The following CR1L variants were observed in gnomAD, a reference collection of about 807,000 sequenced individuals.
CR1L encodes the protein complement component receptor 1-like protein.
In CR1L, 59 loss-of-function variants were observed where a neutral mutation model predicts 62.3. The observed-to-expected ratio is 0.95, with a 90% confidence interval of 0.77 to 1.18. The LOEUF is 1.18. Ranked by LOEUF, CR1L falls within the 50% of genes most tolerant of loss-of-function variation. CR1L has a pLI of 0.00. For missense variants in CR1L, 700 were observed against 702.8 expected (o/e 1.00, Z 0.04); for synonymous variants, 279 against 248.7 (o/e 1.12, Z -1.15).
At position 207,677,620 on chromosome 1, in the gene CR1L, C is replaced by A. The variant is rs572948014; in HGVS notation, c.277+52C>A. On this transcript the variant is annotated intron_variant, in intron 2 of 11. Coordinates refer to ENST00000508064, the MANE Select transcript of CR1L (RefSeq NM_175710.2). ...TCTGTTAGTCAAACATCTGTAAGATCTGATTCAATTTGTTCAAATTTTGTA... is the reference window on the plus strand; with the variant it reads ...TCTGTTAGTCAAACATCTGTAAGATATGATTCAATTTGTTCAAATTTTGTA... 131 of 1,574,332 alleles carry A rather than the reference C, an allele frequency of 8.3e-5. No homozygotes were observed. The South Asian group carries it at 1.5e-3, about 18-fold the overall frequency.
intron 1 of CR1L, among the ~76,000 whole-genome samples, chr1:207,664,436 A>T (rs1663478661): frequency 6.6e-6 from 1 of 152,228 alleles, no homozygotes; most frequent in East Asian, 1.9e-4. Flanking sequence ...TAATTCCTAT[A>T]AAAGCCTGTT....
At chr1:207,690,621 G>A (rs1419830458) in intron 4 of CR1L, among the ~76,000 whole-genome samples, 4 of 152,104 alleles carry the variant, frequency 2.6e-5, no homozygotes, top group Admixed American at 6.5e-5. Flanking sequence ...AGTTTCCCAG[G>A]GCTGCTGTAA....
At chr1:207,657,421 C>T (rs973274966) in intron 1 of CR1L, 15 of 603,324 alleles carry the variant, frequency 2.5e-5, no homozygotes, top group Non-Finnish European at 3.6e-5. Flanking sequence ...GCTTCCTCCT[C>T]CTGTGTAATT....
At chr1:207,657,138 G>C (rs1440322813) in intron 1 of CR1L, 1 of 799,264 alleles carries the variant, frequency 1.3e-6, no homozygotes, top group Admixed American at 1.8e-5. Context: ...TTGTGCACAT[G>C]ACCTCCAAAA....
At chr1:207,669,664 G>A in intron 1 of CR1L, 2 of 730,632 alleles carry the variant, frequency 2.7e-6, no homozygotes, top group Non-Finnish European at 4.3e-6. Context: ...TGCTCTGCGC[G>A]CCCGGGTCCA....
intron 1 of CR1L, 124 bp downstream of exon 1, chr1:207,645,454 A>G: frequency 8.9e-7 from 1 of 1,118,990 alleles, no homozygotes; most frequent in South Asian, 1.3e-5. Context: ...GAGCGAGGCC[A>G]GGGTTCTCCG....
chr1:207,708,958 A>G, intron 10 of CR1L: 1 of 357,416 alleles, frequency 2.8e-6, no homozygotes, highest in South Asian at 2.1e-5. Context: ...AATTGGGTGC[A>G]TTCAGGGTGG....
intron 1 of CR1L, among the ~76,000 whole-genome samples, chr1:207,654,951 G>A (rs759684708): frequency 1.3e-5 from 2 of 152,122 alleles, no homozygotes; most frequent in Non-Finnish European, 2.9e-5. Context: ...TGGGTGGAAC[G>A]GCACAGCAGA....
intron 4 of CR1L, among the ~76,000 whole-genome samples, chr1:207,685,137 A>G (rs529340330): frequency 3.9e-5 from 6 of 152,364 alleles, no homozygotes; most frequent in African/African-American, 1.4e-4. Context: ...CAAACAATAT[A>G]ATAATACACC....
At chr1:207,677,266 C>T in intron 1 of CR1L, 123 bp from the exon 2 acceptor site, 6 of 975,670 alleles carry the variant, frequency 6.1e-6, no homozygotes, top group Non-Finnish European at 8.4e-6. Flanking sequence ...GAGGATCGCA[C>T]CACTGCACTC....
chr1:207,678,363 C>T (rs1426781449), intron 3 of CR1L, 66 bp downstream of exon 3: 1 of 1,351,692 alleles, frequency 7.4e-7, no homozygotes, highest in Non-Finnish European at 1.1e-6. Context: ...ATACTACCTT[C>T]TAGTCACATC....
intron 1 of CR1L, among the ~76,000 whole-genome samples, chr1:207,671,187 T>C (rs1663610431): frequency 1.3e-5 from 2 of 150,880 alleles, no homozygotes; most frequent in African/African-American, 5.0e-5. Flanking sequence ...AGAGAGGTAT[T>C]TTGAAAATCA....
chr1:207,720,671 C>T (rs1249001194), intron 11 of CR1L, among the ~76,000 whole-genome samples: 1 of 152,192 alleles, frequency 6.6e-6, no homozygotes, highest in Non-Finnish European at 1.5e-5. Context: ...AGAATTAATA[C>T]ATATAACCCA....
intron 1 of CR1L, among the ~76,000 whole-genome samples, chr1:207,652,251 G>T (rs1663234196): frequency 6.6e-6 from 1 of 152,160 alleles, no homozygotes; most frequent in South Asian, 2.1e-4. Context: ...AGAAAAATGT[G>T]GAGAAAGATG....
At position 207,709,704 on chromosome 1, in the gene CR1L, G is replaced by A. The variant is rs534814583; in HGVS notation, c.1414+1441G>A. Among the ~76,000 whole-genome samples the A allele has an allele frequency of 4.0e-5, 6 of 151,798 alleles. No individual in the cohort carries two copies. The East Asian group carries it at 7.8e-4, about 20-fold the overall frequency. On this transcript the variant is annotated intron_variant, in intron 10 of 11. Transcript: ENST00000508064. Reference sequence around the variant, plus strand: ...ATACAGAAGTTAGCTGAGCATGGTCGTGCATGTCTGTAATCCCAGCTACTT... The same window carrying A: ...ATACAGAAGTTAGCTGAGCATGGTCATGCATGTCTGTAATCCCAGCTACTT...
At chr1:207,701,465 C>T in intron 8 of CR1L, 54 bp from the exon 9 acceptor site, 1 of 1,603,812 alleles carries the variant, frequency 6.2e-7, no homozygotes, top group East Asian at 2.2e-5. Context: ...ACCTTACGTA[C>T]TGAAGAGAGT....
chr1:207,694,032 C>G (rs1368110438), intron 4 of CR1L, among the ~76,000 whole-genome samples: 4 of 151,864 alleles, frequency 2.6e-5, no homozygotes, highest in Admixed American at 6.6e-5. Flanking sequence ...CAGTTATTAA[C>G]AAAAATGCAA....
intron 10 of CR1L, among the ~76,000 whole-genome samples, chr1:207,716,614 T>C (rs1209615725): frequency 6.6e-6 from 1 of 152,206 alleles, no homozygotes; most frequent in Non-Finnish European, 1.5e-5. Flanking sequence ...GAACATTCAA[T>C]ACCTGAGGAA....
intron 1 of CR1L, among the ~76,000 whole-genome samples, chr1:207,649,099 G>A (rs550591626): frequency 1.3e-5 from 2 of 152,294 alleles, no homozygotes; most frequent in East Asian, 1.9e-4. Context: ...GCAGGGGAGA[G>A]TCCAGGGGAA....
Sources: gnomAD v4.1 joint callset for allele counts (sites outside exome capture counted in the v4.1 genomes callset) on GRCh38, gnomAD v4.1.1 for gene constraint, MANE v1.5 for transcripts, NCBI Gene and HGNC (gene_info 2026-07-23, HGNC 2026-07-21) for gene names.